The following NUTM1 variants were observed in gnomAD, a reference collection of about 807,000 sequenced individuals.
The protein encoded by NUTM1 is NUT midline carcinoma family member 1.
NUTM1 carries 39 observed loss-of-function variants against 88.7 expected under a neutral mutation model. The ratio of observed to expected loss-of-function variants is 0.44; its 90% CI spans 0.34 to 0.57. The LOEUF (loss-of-function observed/expected upper bound fraction) is 0.57, where lower values mean the gene tolerates loss of function less well. Among genes scored for constraint, NUTM1 ranks in the 20% least tolerant of loss-of-function variants. NUTM1 has a pLI of 0.01. For missense variants in NUTM1, 1,350 were observed against 1,414.5 expected (o/e 0.95, Z 0.73); for synonymous variants, 494 against 538.0 (o/e 0.92, Z 1.13).
intron 3 of NUTM1, among the ~76,000 whole-genome samples, chr15:34,348,878 G>A (rs12900403): frequency 0.22 from 33,610 of 152,030 alleles, 4,001 homozygotes; most frequent in Admixed American, 0.31. Context: ...CCTTTCAGGT[G>A]TCTTATCTTA....
At chr15:34,346,881 T>TAA (rs10671676) in intron 2 of NUTM1, among the ~76,000 whole-genome samples, 1,049 of 34,310 alleles carry the variant, frequency 0.031, 358 homozygotes, top group African/African-American at 0.089. Context: ...AGACTCCATC[T>TAA]AAAAAAAAAA....
intron 1 of NUTM1, among the ~76,000 whole-genome samples, chr15:34,345,027 A>AT (rs1227053706): frequency 1.3e-5 from 2 of 152,076 alleles, no homozygotes; most frequent in Non-Finnish European, 2.9e-5. Context: ...AAAAAAAAAA[A>AT]TTTAAATCTA....
Position 34,357,132 on chromosome 15 carries a change from G to A in NUTM1, c.3124G>A (p.Asp1042Asn), listed in dbSNP as rs1890832373. The A allele has an allele frequency of 3.1e-6, 5 of 1,614,036 alleles. No individual in the cohort carries two copies. Among genetic ancestry groups the A allele is most frequent in the Non-Finnish European group, 4.2e-6 (5 of 1,180,034 alleles). Reference protein sequence around the residue: ...EKKKKEAEEEDEELSNFAYLL... With the variant: ...EKKKKEAEEENEELSNFAYLL... ...AAAGAAAAAGGAAGCAGAGGAAGAG[G>A]ATGAGGAACTCTCCAACTTTGCTTA... The change falls in exon 8 of 8, where the codon GAT becomes AAT. Residue 1042 changes from aspartate (D) to asparagine (N), a missense_variant. By Grantham distance (23) the Asp-to-Asn change is conservative. Around this residue, in one of 5 missense-constraint regions of NUTM1, gnomAD observed 730 missense variants for 728.8 expected, o/e 1.00. Transcript: ENST00000537011.
In NUTM1 at chr15:34,343,606, AAAG is replaced by A; in HGVS notation, c.-90_-88del. The A allele has an allele frequency of 6.5e-7, 1 of 1,535,534 alleles. No homozygotes were observed. The highest frequency in any genetic ancestry group is 1.4e-5 in the African/African-American group (1 of 73,180). ...AATATTCCGTAAAGCGAAAGAGCGT[AAAG>A]TTATTTTATGAAACTGGTGAAGCAT... is the stretch of plus-strand genomic sequence containing the variant. On this transcript the variant is annotated 5_prime_UTR_variant, in exon 1 of 8. Coordinates refer to ENST00000537011, the MANE Select transcript of NUTM1 (RefSeq NM_001284292.2).
At chr15:34,345,657 A>G (rs548836993) in intron 1 of NUTM1, among the ~76,000 whole-genome samples, 4 of 152,376 alleles carry the variant, frequency 2.6e-5, no homozygotes, top group Non-Finnish European at 5.9e-5. Flanking sequence ...ATCGAAGTGT[A>G]GTGAACCAAA....
rs1890777136 is a variant in NUTM1 at position 34,355,078 on chromosome 15, A to G, written c.1420A>G (p.Arg474Gly). Reference sequence around the variant, plus strand: ...AGATCTGCTGTCCCCAGAAAAACAGAGAGATCCCTTGGCCTTAATTGAGGA... The same window carrying G: ...AGATCTGCTGTCCCCAGAAAAACAGGGAGATCCCTTGGCCTTAATTGAGGA... ...LADLLSPEKQ[R>G]DPLALIEELE... The change falls in exon 7 of 8, where the codon AGA becomes GGA. Residue 474 changes from arginine to glycine, a missense_variant. Arg to Gly is a moderately radical substitution (Grantham distance 125, BLOSUM62 -2). Around this residue, in one of 5 missense-constraint regions of NUTM1, gnomAD observed 126 missense variants for 189.8 expected, o/e 0.66. Transcript: ENST00000537011. This position sits in a 1 kb window ranked among gnomAD's most constrained non-coding sequence, Gnocchi z 4.3. The G allele has an allele frequency of 6.2e-7, 1 of 1,614,110 alleles. No individual in the cohort carries two copies. Among genetic ancestry groups the G allele is most frequent in the Non-Finnish European group, 8.5e-7 (1 of 1,179,974 alleles).
rs751984237 is a variant in NUTM1 at position 34,350,737 on chromosome 15, C to A, written c.843C>A (p.Pro281=). 10 of 1,613,356 alleles carry A rather than the reference C, an allele frequency of 6.2e-6. No homozygotes were observed. The highest frequency in any genetic ancestry group is 8.5e-6 in the Non-Finnish European group (10 of 1,179,928). ...TTCGTTCCCTGGCCCGGCTGAAGCC[C>A]ACTATGACCCTGGAGGAGGGACTGC... ...PVLRSLARLK[P]TMTLEEGLPL... Residue 281 remains proline (P), a synonymous_variant, in exon 4 of 8, where the codon CCC becomes CCA. Transcript: ENST00000537011.
Position 34,350,183 on chromosome 15 carries a change from G to T in NUTM1, c.810-521G>T, listed in dbSNP as rs915188403. On this transcript the variant is annotated intron_variant, in intron 3 of 7. Coordinates refer to ENST00000537011, the MANE Select transcript of NUTM1 (RefSeq NM_001284292.2). ...GGAAGGGCTCAAGAGCCCTCTAGAA[G>T]TGGGGGTCTAGTACTGGCATTTAAC... is the stretch of plus-strand genomic sequence containing the variant. 4.6e-5 allele frequency among the ~76,000 whole-genome samples: 7 copies of T among 152,330 alleles called. No individual in the cohort carries two copies. The East Asian group carries it at 1.4e-3, about 29-fold the overall frequency.
intron 2 of NUTM1, among the ~76,000 whole-genome samples, chr15:34,347,608 C>T (rs1890618472): frequency 6.6e-6 from 1 of 151,802 alleles, no homozygotes; most frequent in African/African-American, 2.4e-5. Flanking sequence ...AATCCCAGCA[C>T]TTTGGGAGGC....
chr15:34,347,970 A>G lies in NUTM1; in HGVS notation c.102A>G (p.Ala34=). 6.3e-7 allele frequency: 1 copy of G among 1,596,338 alleles called. No homozygotes were observed. Among genetic ancestry groups the G allele is most frequent in the Non-Finnish European group, 8.6e-7 (1 of 1,167,082 alleles). ...TCTTCTTTTTCTTTGTCTCAACAGC[A>G]TCTGCATTGCCGGGACCGGATATGA... ...PKPERMASDG[A]SALPGPDMSM... The change falls in exon 3 of 8, where the codon GCA becomes GCG. Residue 34 remains alanine (A), a splice_region_variant and synonymous_variant. Coordinates refer to ENST00000537011, the MANE Select transcript of NUTM1 (RefSeq NM_001284292.2).
Position 34,354,712 on chromosome 15 carries a change from C to A in NUTM1, c.1342C>A (p.Gln448Lys). 6.2e-7 allele frequency: 1 copy of A among 1,614,176 alleles called. No individual in the cohort carries two copies. The highest frequency in any genetic ancestry group is 1.1e-5 in the South Asian group (1 of 91,048). Reference sequence around the variant, plus strand: ...GAGCTACATCAATGAGCTGTGTTCTCAGAAGGTCTTTGTCTCCAAGGTGAG... The same window carrying A: ...GAGCTACATCAATGAGCTGTGTTCTAAGAAGGTCTTTGTCTCCAAGGTGAG... ...LLSYINELCS[Q>K]KVFVSKVEAV... Residue 448 changes from glutamine (Q) to lysine (K), a missense_variant, in exon 6 of 8, where the codon CAG (glutamine) becomes AAG (lysine). Gln to Lys is a moderately conservative substitution (Grantham distance 53). Transcript: ENST00000537011.
chr15:34,348,990 T>G (rs1333135504), intron 3 of NUTM1, among the ~76,000 whole-genome samples: 1 of 152,236 alleles, frequency 6.6e-6, no homozygotes, highest in East Asian at 1.9e-4. Flanking sequence ...GGAACTTAGG[T>G]CTCTCACTCT....
Position 34,357,486 on chromosome 15 carries a change from CAGT to C in NUTM1, c.3481_3483del (p.Ter1161delextTer19). The C allele has an allele frequency of 6.2e-7, 1 of 1,612,580 alleles. No individual in the cohort carries two copies. Among genetic ancestry groups the C allele is most frequent in the Non-Finnish European group, 8.5e-7 (1 of 1,179,438 alleles). Reference sequence around the variant, plus strand: ...CAGAAGGAAGAAACGACGTCGTAGCCAGTAGGGAGCAGCGGGACCATCTGACCC... The same window carrying C: ...CAGAAGGAAGAAACGACGTCGTAGCCAGGGAGCAGCGGGACCATCTGACCC... On this transcript the variant is annotated stop_lost and inframe_deletion, in exon 8 of 8. Coordinates refer to ENST00000537011, the MANE Select transcript of NUTM1 (RefSeq NM_001284292.2).
intron 3 of NUTM1, among the ~76,000 whole-genome samples, chr15:34,350,391 T>C (rs1890683158): frequency 6.6e-6 from 1 of 152,238 alleles, no homozygotes; most frequent in Non-Finnish European, 1.5e-5. Flanking sequence ...GAGTCCTCCC[T>C]TTCTAATAAT....
In NUTM1 at chr15:34,355,135, C is replaced by T. The variant is rs1346333018; in HGVS notation, c.1477C>T (p.Gln493Ter). 6.3e-7 allele frequency: 1 copy of T among 1,581,972 alleles called. No homozygotes were observed. The highest frequency in any genetic ancestry group is 2.2e-5 in the East Asian group (1 of 44,738). Residue 493 changes from glutamine to a stop codon, truncating the protein, a stop_gained and splice_region_variant, in exon 7 of 8, where the codon CAG becomes TAG. Coordinates refer to ENST00000537011, the MANE Select transcript of NUTM1 (RefSeq NM_001284292.2). LOFTEE classifies it high-confidence loss of function. This position sits in a 1 kb window ranked among gnomAD's most constrained non-coding sequence, Gnocchi z 4.3. ...LEQEEGLTLA[Q>*]LVQKRLMALE... is the part of the protein sequence containing the mutation. ...GCAAGAAGAAGGACTCACTCTTGCC[C>T]AGGTAAAACTGGGGTATAGGAAATA...
At chr15:34,345,696 G>A (rs1005581713) in intron 1 of NUTM1, among the ~76,000 whole-genome samples, 2 of 152,186 alleles carry the variant, frequency 1.3e-5, no homozygotes, top group Admixed American at 6.5e-5. Flanking sequence ...TTGGGAATCT[G>A]AGAAAAAGTT....
Position 34,357,274 on chromosome 15 carries a change from GC to G in NUTM1, c.3270del (p.Ser1091AlafsTer15). ...CACCTGCTCCCTGCTGGAGCAAAAG[GC>G]CCCAGCAAACTTCCATATCCTGTTG... ...ASHLLPAGAK[G>X]PSKLPYPVAK... On this transcript the variant is annotated frameshift_variant, in exon 8 of 8. Transcript: ENST00000537011. LOFTEE classifies it high-confidence loss of function. The G allele has an allele frequency of 6.2e-7, 1 of 1,614,022 alleles. No homozygotes were observed. Among genetic ancestry groups the G allele is most frequent in the Non-Finnish European group, 8.5e-7 (1 of 1,180,002 alleles).
Position 34,343,471 on chromosome 15 carries a change from C to A in NUTM1, c.-226C>A. 1.0e-6 allele frequency: 1 copy of A among 960,662 alleles called. No homozygotes were observed. Among genetic ancestry groups the A allele is most frequent in the Non-Finnish European group, 1.5e-6 (1 of 664,510 alleles). 59.5% of individuals were successfully genotyped at this position (960,662 alleles called of 1,614,324 possible). On this transcript the variant is annotated 5_prime_UTR_variant, in exon 1 of 8. Coordinates refer to ENST00000537011, the MANE Select transcript of NUTM1 (RefSeq NM_001284292.2). Reference sequence around the variant, plus strand: ...GAAACAAGGGCTCCAGGATTCAGAGCCCCTTTACCCTAGGGAAGAAAGAAG... The same window carrying A: ...GAAACAAGGGCTCCAGGATTCAGAGACCCTTTACCCTAGGGAAGAAAGAAG...
chr15:34,345,602 A>G (rs1483653984), intron 1 of NUTM1, among the ~76,000 whole-genome samples: 1 of 152,222 alleles, frequency 6.6e-6, no homozygotes, highest in Non-Finnish European at 1.5e-5. Context: ...CAGTTACAGA[A>G]CTGGCTGGGA....
Sources: allele counts gnomAD v4.1 joint callset (sites outside exome capture counted in the v4.1 genomes callset), GRCh38; gene constraint gnomAD v4.1.1; regional missense constraint gnomAD v4.1.1; non-coding constraint Gnocchi (gnomAD v3.1); transcripts MANE v1.5; gene names NCBI Gene and HGNC (gene_info 2026-07-23, HGNC 2026-07-21).